The following SLC6A11 variants were observed in gnomAD, a reference collection of about 807,000 sequenced individuals.
SLC6A11 encodes the protein solute carrier family 6 member 11.
SLC6A11 carries 25 observed loss-of-function variants against 74.8 expected under a neutral mutation model. The observed-to-expected ratio is 0.33, with a 90% confidence interval of 0.24 to 0.47. The LOEUF is 0.47. Among genes scored for constraint, SLC6A11 ranks in the 20% least tolerant of loss-of-function variants. The pLI is 1.00. For missense variants in SLC6A11, 574 were observed against 837.0 expected (o/e 0.69, Z 3.88); for synonymous variants, 330 against 330.2 (o/e 1.00, Z 0.01).
chr3:10,882,502 G>A (rs1271614885), intron 6 of SLC6A11, among the ~76,000 whole-genome samples: 1 of 152,168 alleles, frequency 6.6e-6, no homozygotes, highest in Non-Finnish European at 1.5e-5. Context: ...CCCCATGCAG[G>A]TGGAGAATTT....
chr3:10,876,132 G>C (rs534775680), intron 6 of SLC6A11, among the ~76,000 whole-genome samples: 28 of 152,336 alleles, frequency 1.8e-4, no homozygotes, highest in African/African-American at 6.3e-4. Context: ...AGGGGAGCTT[G>C]TGGGGGAAGC....
intron 4 of SLC6A11, among the ~76,000 whole-genome samples, chr3:10,842,602 T>C (rs1694451827): frequency 6.6e-6 from 1 of 152,250 alleles, no homozygotes; most frequent in African/African-American, 2.4e-5. Context: ...GCCTCCTTTC[T>C]TTCATAAATA....
Position 10,934,121 on chromosome 3 carries a change from G to C in SLC6A11, c.1530G>C (p.Ser510=). The change falls in exon 12 of 14, where the codon TCG becomes TCC. Residue 510 remains serine (S), a synonymous_variant. Coordinates refer to ENST00000254488, the MANE Select transcript of SLC6A11 (RefSeq NM_014229.3). ...IEDMIGYRPP[S]LIKWCWMIMT... ...ACATGATTGGCTACCGGCCACCGTC[G>C]CTCATTAAGTGGTGCTGGATGATCA... The C allele has an allele frequency of 6.2e-7, 1 of 1,613,850 alleles. No homozygotes were observed. Among genetic ancestry groups the C allele is most frequent in the Non-Finnish European group, 8.5e-7 (1 of 1,179,836 alleles).
intron 5 of SLC6A11, among the ~76,000 whole-genome samples, chr3:10,866,535 G>A (rs1586261): frequency 0.093 from 14,181 of 152,176 alleles, 951 homozygotes; most frequent in Admixed American, 0.23. Flanking sequence ...GCCCTGAAAC[G>A]TGGATCCCAC....
intron 2 of SLC6A11, 23 bp from the exon 3 acceptor site, chr3:10,819,689 C>T: frequency 6.2e-7 from 1 of 1,612,224 alleles, no homozygotes; most frequent in Non-Finnish European, 8.5e-7. Flanking sequence ...ACTCAAATTC[C>T]TTCCTTTCTT....
At chr3:10,820,804 A>G (rs1454606233) in intron 3 of SLC6A11, among the ~76,000 whole-genome samples, 1 of 152,302 alleles carries the variant, frequency 6.6e-6, no homozygotes, top group East Asian at 1.9e-4. Context: ...ATAGTGCTCC[A>G]GAGAGCTGCT....
chr3:10,925,568 G>A (rs1456013720), intron 8 of SLC6A11, among the ~76,000 whole-genome samples: 2 of 152,226 alleles, frequency 1.3e-5, no homozygotes, highest in African/African-American at 4.8e-5. Context: ...GGGTGGAAGA[G>A]CATTTCTCCA....
At chr3:10,914,878 C>A (rs1210775734) in intron 7 of SLC6A11, among the ~76,000 whole-genome samples, 1 of 152,182 alleles carries the variant, frequency 6.6e-6, no homozygotes, top group Admixed American at 6.5e-5. Context: ...GCATGGGGAC[C>A]TCTGTGCTGG....
At chr3:10,934,002 C>G in intron 11 of SLC6A11, 64 bp from the exon 12 acceptor site, 1 of 1,088,774 alleles carries the variant, frequency 9.2e-7, no homozygotes, top group Non-Finnish European at 1.4e-6. Flanking sequence ...CCTAGCCATT[C>G]CTCTGACTCA....
rs563415672 is a variant in SLC6A11 at position 10,884,310 on chromosome 3, A to G, written c.891+9215A>G. Among the ~76,000 whole-genome samples the G allele has an allele frequency of 1.1e-4, 17 of 152,330 alleles. No individual in the cohort carries two copies. In the East Asian group the frequency reaches 3.3e-3, roughly 29 times the overall value. The stretch of plus-strand genomic sequence containing the variant: ...ATTGATTGCTGACTTTATGCCAGGT[A>G]CTGTGCTTTAGAAACTTGTCTTTTA... On this transcript the variant is annotated intron_variant, in intron 6 of 13. Coordinates refer to ENST00000254488, the MANE Select transcript of SLC6A11 (RefSeq NM_014229.3).
intron 5 of SLC6A11, among the ~76,000 whole-genome samples, chr3:10,859,822 A>C (rs1233231673): frequency 2.0e-5 from 3 of 152,202 alleles, no homozygotes; most frequent in African/African-American, 7.2e-5. Context: ...AAGAACATTT[A>C]CCAGAAGTAT....
chr3:10,881,562 G>A (rs1694982296), intron 6 of SLC6A11, among the ~76,000 whole-genome samples: 1 of 152,218 alleles, frequency 6.6e-6, no homozygotes, highest in Non-Finnish European at 1.5e-5. Flanking sequence ...CCCCAAAATT[G>A]CCTTGTCTCT....
rs1200292092 is a variant in SLC6A11 at position 10,918,397 on chromosome 3, T to C, written c.1064T>C (p.Val355Ala). 6.2e-7 allele frequency: 1 copy of C among 1,609,258 alleles called. No homozygotes were observed. Among genetic ancestry groups the C allele is most frequent in the African/African-American group, 1.3e-5 (1 of 74,532 alleles). ...GTGGCTGGGTTTGCCATCTTCTCAG[T>C]CCTGGGTTTTATGGCGTACGAGCAG... ...SFVAGFAIFSVLGFMAYEQGV... is the reference protein window; with the variant it reads ...SFVAGFAIFSALGFMAYEQGV... Residue 355 changes from valine to alanine, a missense_variant, in exon 8 of 14, where the codon GTC becomes GCC. By Grantham distance (64) the Val-to-Ala change is moderately conservative. Around this residue, in one of 4 missense-constraint regions of SLC6A11, gnomAD observed 16 missense variants for 50.1 expected, o/e 0.32. Coordinates refer to ENST00000254488, the MANE Select transcript of SLC6A11 (RefSeq NM_014229.3). The surrounding 1 kb of genome is among the most constrained non-coding windows in gnomAD (Gnocchi z 4.5).
chr3:10,938,483 T>A lies in SLC6A11; in HGVS notation c.*81T>A. The A allele has an allele frequency of 7.1e-7, 1 of 1,412,840 alleles. No homozygotes were observed. The highest frequency in any genetic ancestry group is 9.6e-7 in the Non-Finnish European group (1 of 1,040,126). 87.5% of individuals were successfully genotyped at this position (1,412,840 alleles called of 1,614,324 possible). On this transcript the variant is annotated 3_prime_UTR_variant, in exon 14 of 14. Transcript: ENST00000254488. ...GAATTCCTGAACCCCATACTTCACC[T>A]AATGGTAGGGGCTTGCTTGTTTTGC...
intron 6 of SLC6A11, among the ~76,000 whole-genome samples, chr3:10,886,158 T>A (rs967407721): frequency 6.6e-6 from 1 of 152,158 alleles, no homozygotes; most frequent in Non-Finnish European, 1.5e-5. Flanking sequence ...TACCTGAAAA[T>A]AGTGGTTTCC....
rs756098881 is a variant in SLC6A11 at position 10,844,244 on chromosome 3, C to T, written c.654C>T (p.Ile218=). The T allele has an allele frequency of 3.8e-5, 61 of 1,614,096 alleles. No individual in the cohort carries two copies. Among genetic ancestry groups the T allele is most frequent in the Non-Finnish European group, 4.9e-5 (58 of 1,180,040 alleles). The part of the protein sequence containing the change: ...EHRVLAISDG[I]EHIGNLRWEL... ...GGGTCCTGGCCATCTCTGACGGGAT[C>T]GAGCACATCGGGAACCTTCGCTGGG... is the stretch of plus-strand genomic sequence containing the variant. Residue 218 remains isoleucine, a synonymous_variant, in exon 5 of 14, where the codon ATC becomes ATT. Transcript: ENST00000254488.
intron 4 of SLC6A11, among the ~76,000 whole-genome samples, chr3:10,842,146 G>T (rs1694446343): frequency 1.3e-5 from 2 of 152,132 alleles, no homozygotes; most frequent in Admixed American, 1.3e-4. Context: ...TATTTCTCTG[G>T]GGAGAAAGTC....
At chr3:10,903,410 C>T (rs1420463912) in intron 6 of SLC6A11, among the ~76,000 whole-genome samples, 1 of 152,230 alleles carries the variant, frequency 6.6e-6, no homozygotes, top group Non-Finnish European at 1.5e-5. Flanking sequence ...CCACACTGAA[C>T]TCATCTCCCA....
At chr3:10,887,772 C>T (rs1451611895) in intron 6 of SLC6A11, among the ~76,000 whole-genome samples, 1 of 152,102 alleles carries the variant, frequency 6.6e-6, no homozygotes, top group African/African-American at 2.4e-5. Context: ...TTGATCTCTG[C>T]AGGATTAGGA....
Sources: allele counts gnomAD v4.1 joint callset (sites outside exome capture counted in the v4.1 genomes callset), GRCh38; gene constraint gnomAD v4.1.1; regional missense constraint gnomAD v4.1.1; non-coding constraint Gnocchi (gnomAD v3.1); transcripts MANE v1.5; gene names NCBI Gene and HGNC (gene_info 2026-07-23, HGNC 2026-07-21).